XIRP2: variants seen among roughly 807,000 people sequenced by gnomAD.
XIRP2 encodes xin actin-binding repeat-containing protein 2.
A neutral mutation model predicts 277.0 loss-of-function variants in XIRP2; 236 were observed. The ratio of observed to expected loss-of-function variants is 0.85; its 90% CI spans 0.77 to 0.95. XIRP2 has a LOEUF of 0.95. XIRP2 is among the 40% of genes least tolerant of loss of function. XIRP2 has a pLI of 0.00. For synonymous variants in XIRP2, 1,490 were observed against 1,416.5 expected (o/e 1.05, Z -1.17); for missense variants, 4,640 against 4,157.5 (o/e 1.12, Z -3.19).
At chr2:167,089,018 T>C (rs1345221382) in intron 2 of XIRP2, among the ~76,000 whole-genome samples, 1 of 152,106 alleles carries the variant, frequency 6.6e-6, no homozygotes, top group East Asian at 1.9e-4. Flanking sequence ...GTTTGGTAAA[T>C]AAATGGACAA....
intron 2 of XIRP2, among the ~76,000 whole-genome samples, chr2:167,130,281 C>T (rs1204389532): frequency 6.6e-6 from 1 of 152,128 alleles, no homozygotes; most frequent in Non-Finnish European, 1.5e-5. Context: ...GCACCTTCCC[C>T]ACCAACCACC....
Position 167,056,051 on chromosome 2 carries a change from C to T in XIRP2, c.409-79858C>T, listed in dbSNP as rs568825789. On this transcript the variant is annotated intron_variant, in intron 2 of 10. Transcript: ENST00000409195. ...TTTCTTTCTTCACTAATTTTTATTTCGAAAAGTTAAGATTTGTTAAAGATA... is the reference window on the plus strand; with the variant it reads ...TTTCTTTCTTCACTAATTTTTATTTTGAAAAGTTAAGATTTGTTAAAGATA... Among the ~76,000 whole-genome samples the T allele has an allele frequency of 9.9e-5, 15 of 151,956 alleles. No homozygotes were observed. The South Asian group carries it at 1.2e-3, about 13-fold the overall frequency.
In XIRP2 at chr2:167,243,250, A is replaced by G. The variant is rs748269204; in HGVS notation, c.1858A>G (p.Met620Val). Residue 620 changes from methionine (M) to valine (V), a missense_variant, in exon 9 of 11, where the codon ATG (methionine) becomes GTG (valine). Met to Val is a conservative substitution (Grantham distance 21, BLOSUM62 1). Coordinates refer to ENST00000409195, the MANE Select transcript of XIRP2 (RefSeq NM_152381.6). ...TGGTGATGTGAAATATACCACATGG[A>G]TGTTTGAAACCCAACCCATCGACAC... is the stretch of plus-strand genomic sequence containing the variant. ...AGGDVKYTTW[M>V]FETQPIDTLG... 1.4e-5 allele frequency: 22 copies of G among 1,613,726 alleles called. No homozygotes were observed. The highest frequency in any genetic ancestry group is 1.4e-5 in the Non-Finnish European group (16 of 1,179,804).
intron 2 of XIRP2, among the ~76,000 whole-genome samples, chr2:167,015,250 T>C (rs891875843): frequency 1.7e-4 from 26 of 151,808 alleles, no homozygotes; most frequent in Non-Finnish European, 7.4e-5. Context: ...TTGTAGAAAA[T>C]TTAAAAGTTC....
chr2:167,176,723 T>C (rs1291538840), intron 3 of XIRP2, among the ~76,000 whole-genome samples: 1 of 152,198 alleles, frequency 6.6e-6, no homozygotes, highest in Admixed American at 6.5e-5. Context: ...ACAGATTAGC[T>C]ATGTATCAGT....
At chr2:166,912,126 C>G (rs1390201157) in intron 2 of XIRP2, among the ~76,000 whole-genome samples, 1 of 152,134 alleles carries the variant, frequency 6.6e-6, no homozygotes, top group Non-Finnish European at 1.5e-5. Flanking sequence ...GTGGCATTCT[C>G]TGTATTTCCT....
chr2:167,179,634 A>G (rs921131949), intron 3 of XIRP2, among the ~76,000 whole-genome samples: 3 of 132,644 alleles, frequency 2.3e-5, no homozygotes, highest in Non-Finnish European at 4.8e-5. Flanking sequence ...CATTTTCTTT[A>G]TCTGATAATT....
chr2:167,022,211 G>A (rs1688003171), intron 2 of XIRP2, among the ~76,000 whole-genome samples: 1 of 151,968 alleles, frequency 6.6e-6, no homozygotes, highest in South Asian at 2.1e-4. Flanking sequence ...ATTGTATGGG[G>A]AGCAATATTT....
At chr2:167,112,363 G>A (rs1290741871) in intron 2 of XIRP2, among the ~76,000 whole-genome samples, 1 of 151,618 alleles carries the variant, frequency 6.6e-6, no homozygotes, top group Non-Finnish European at 1.5e-5. Context: ...TTATATCTTT[G>A]TTCTTGTCAG....
intron 2 of XIRP2, among the ~76,000 whole-genome samples, chr2:166,914,827 GA>G (rs1684818480): frequency 6.6e-6 from 1 of 151,994 alleles, no homozygotes; most frequent in African/African-American, 2.4e-5. Flanking sequence ...TCAGGTCTTT[GA>G]TTTTTTTCTA....
At chr2:167,121,026 T>A (rs1019800125) in intron 2 of XIRP2, among the ~76,000 whole-genome samples, 1 of 152,180 alleles carries the variant, frequency 6.6e-6, no homozygotes, top group Non-Finnish European at 1.5e-5. Context: ...GATATTATTG[T>A]GATTTTACAG....
At chr2:166,893,406 T>C (rs1411994391) in intron 1 of XIRP2, among the ~76,000 whole-genome samples, 2 of 152,150 alleles carry the variant, frequency 1.3e-5, no homozygotes, top group East Asian at 3.9e-4. Flanking sequence ...AACATATGCA[T>C]ATATTTTGAA....
chr2:166,981,471 G>C (rs1000970801), intron 2 of XIRP2, among the ~76,000 whole-genome samples: 2 of 151,480 alleles, frequency 1.3e-5, no homozygotes, highest in African/African-American at 4.9e-5. Context: ...TCCCAGGTTG[G>C]AGTACAGTGG....
intron 3 of XIRP2, among the ~76,000 whole-genome samples, chr2:167,174,008 C>T (rs929130184): frequency 2.8e-4 from 43 of 152,092 alleles, no homozygotes; most frequent in Admixed American, 2.1e-3. Flanking sequence ...CTGCTGGATT[C>T]GGTTTGCCAG....
At chr2:166,949,892 T>A (rs771556226) in intron 2 of XIRP2, among the ~76,000 whole-genome samples, 1 of 152,070 alleles carries the variant, frequency 6.6e-6, no homozygotes, top group African/African-American at 2.4e-5. Context: ...TCACCTGAAA[T>A]GTGTGATTTA....
rs1409452331 is a variant in XIRP2, at chr2:166,981,245, A to G, written c.408+77355A>G. ...TCTGAATCAAGGTGTTATCAGGGCT[A>G]TGCTCTTTCTAAGACTTTAGAAAAG... is the stretch of plus-strand genomic sequence containing the variant. On this transcript the variant is annotated intron_variant, in intron 2 of 10. Transcript: ENST00000409195. Among the ~76,000 whole-genome samples the G allele has an allele frequency of 2.0e-5, 3 of 152,110 alleles. No individual in the cohort carries two copies. In the East Asian group the frequency reaches 5.8e-4, roughly 29 times the overall value.
intron 3 of XIRP2, among the ~76,000 whole-genome samples, chr2:167,193,911 T>C (rs925554784): frequency 6.7e-5 from 10 of 149,086 alleles, no homozygotes; most frequent in African/African-American, 2.5e-4. Flanking sequence ...TTCAGTGAGA[T>C]ACTGACACAG....
In XIRP2 at chr2:166,915,299, CAAAAAAA is replaced by C. The variant is rs993808427; in HGVS notation, c.408+11426_408+11432del. Among the ~76,000 whole-genome samples the C allele has an allele frequency of 2.0e-4, 8 of 40,128 alleles. No homozygotes were observed. In the East Asian group the frequency reaches 2.7e-3, roughly 14 times the overall value. 26.3% of individuals were successfully genotyped at this position (40,128 alleles called of 152,430 possible). A position where few individuals can be genotyped will look rare whatever the true frequency, so the allele number is the denominator to read the frequency against. On this transcript the variant is annotated intron_variant, in intron 2 of 10. Coordinates refer to ENST00000409195, the MANE Select transcript of XIRP2 (RefSeq NM_152381.6). ...TGGGCGACACAGCAAGACTCCGTCT[CAAAAAAA>C]AAAAAAAAAAAAAAAAGAAAAAGAA...
In XIRP2 at chr2:167,137,838, A is replaced by C. The variant is rs969121573; in HGVS notation, c.562+1776A>C. 2.0e-5 allele frequency among the ~76,000 whole-genome samples: 3 copies of C among 152,188 alleles called. No homozygotes were observed. In the East Asian group the frequency reaches 5.8e-4, roughly 29 times the overall value. The stretch of plus-strand genomic sequence containing the variant: ...ATCTGTATATTGCACAAGAACTCTA[A>C]TTCCTACGTAGCAATACATTTAAAA... On this transcript the variant is annotated intron_variant, in intron 3 of 10. Transcript: ENST00000409195.
Sources: gnomAD v4.1 joint callset for allele counts (sites outside exome capture counted in the v4.1 genomes callset) on GRCh38, gnomAD v4.1.1 for gene constraint, MANE v1.5 for transcripts, NCBI Gene and HGNC (gene_info 2026-07-23, HGNC 2026-07-21) for gene names.